TRPM5: variants seen among roughly 807,000 people sequenced by gnomAD.
TRPM5 encodes the protein transient receptor potential cation channel subfamily M member 5.
Under a neutral mutation model 124.9 loss-of-function variants are expected in TRPM5, and 121 were observed. That is an observed-to-expected ratio of 0.97 (90% confidence interval 0.84 to 1.13). The LOEUF (loss-of-function observed/expected upper bound fraction) is 1.13. Ranked by LOEUF, TRPM5 falls within the 50% of genes most tolerant of loss-of-function variation. The pLI is 0.00. For synonymous variants in TRPM5, 781 were observed against 700.5 expected (o/e 1.11, Z -1.81); for missense variants, 1,643 against 1,589.1 (o/e 1.03, Z -0.58).
chr11:2,412,350 C>CAGCGTG, intron 15 of TRPM5, 97 bp from the exon 21 acceptor site: 45 of 935,834 alleles, frequency 4.8e-5, no homozygotes, highest in Non-Finnish European at 7.1e-5. Context: ...GATCAGGGTT[C>CAGCGTG]CATCTATGAC....
intron 4 of TRPM5, among the ~76,000 whole-genome samples, chr11:2,419,791 G>A (rs1272027782): frequency 6.6e-6 from 1 of 152,202 alleles, no homozygotes; most frequent in Non-Finnish European, 1.5e-5. Context: ...TTGAACGTGC[G>A]ACTGGCCAGA....
chr11:2,443,543 TAC>T, the TRPM5 span, among the ~76,000 whole-genome samples: 1 of 152,138 alleles, frequency 6.6e-6, no homozygotes, highest in African/African-American at 2.4e-5. This position sits in a 1 kb window ranked among gnomAD's most constrained non-coding sequence, Gnocchi z 5.0. Context: ...TTGCTGCAAA[TAC>T]AGACTGTGCA....
At chr11:2,405,941 A>G (rs1290988695) in intron 22 of TRPM5, 78 bp downstream of exon 27, 1 of 1,292,448 alleles carries the variant, frequency 7.7e-7, no homozygotes, top group East Asian at 2.3e-5. Context: ...GTGACCGGGC[A>G]GGGCTGTGGA....
chr11:2,438,328 A>G, the TRPM5 span, among the ~76,000 whole-genome samples: 2 of 152,222 alleles, frequency 1.3e-5, no homozygotes, highest in Non-Finnish European at 2.9e-5. This position sits in a 1 kb window ranked among gnomAD's most constrained non-coding sequence, Gnocchi z 5.9. Context: ...CTAGGAATAC[A>G]TCTAACCCAG....
chr11:2,424,403 A>G (rs80322175), upstream of TRPM5, among the ~76,000 whole-genome samples: 24 of 152,346 alleles, frequency 1.6e-4, no homozygotes, highest in East Asian at 3.7e-3. Flanking sequence ...CTGCATCCCC[A>G]AACAGGTATG....
the TRPM5 span, among the ~76,000 whole-genome samples, chr11:2,429,335 G>A: frequency 6.6e-6 from 1 of 151,054 alleles, no homozygotes; most frequent in Non-Finnish European, 1.5e-5. This position sits in a 1 kb window ranked among gnomAD's most constrained non-coding sequence, Gnocchi z 8.4. Flanking sequence ...GATGATGAGG[G>A]TGATGATGAC....
chr11:2,417,714 TG>T lies in TRPM5; in HGVS notation c.1009+12del. The T allele has an allele frequency of 1.8e-5, 7 of 383,592 alleles. No individual in the cohort carries two copies. Among genetic ancestry groups the T allele is most frequent in the South Asian group, 7.2e-5 (3 of 41,888 alleles). The allele number at this position is 383,592 out of a possible 1,614,324, so 23.8% of individuals were successfully genotyped here. On this transcript the variant is annotated intron_variant, in intron 7 of 23. Coordinates refer to ENST00000155858, the Ensembl canonical transcript of TRPM5. The stretch of plus-strand genomic sequence containing the variant: ...CCAATGGCGCCTGCCTTGCCCACCC[TG>T]CCCGCCCTCACCTTTCACCAGCGCC...
At chr11:2,444,187 G>A in the TRPM5 span, among the ~76,000 whole-genome samples, 1 of 149,378 alleles carries the variant, frequency 6.7e-6, no homozygotes, top group African/African-American at 2.5e-5. Context: ...TCACCCTCCC[G>A]GTCCAAGGGC....
At chr11:2,434,253 CTG>C in the TRPM5 span, among the ~76,000 whole-genome samples, 229 of 148,768 alleles carry the variant, frequency 1.5e-3, no homozygotes, top group African/African-American at 5.4e-3. Context: ...TGCGTGGACA[CTG>C]TGTGTGCGTC....
At chr11:2,427,851 C>T (rs1845850689), upstream of TRPM5, among the ~76,000 whole-genome samples, 1 of 152,134 alleles carries the variant, frequency 6.6e-6, no homozygotes, top group African/African-American at 2.4e-5. Flanking sequence ...GGGTGCTGGG[C>T]CCAGCTGTCC....
chr11:2,415,897 G>T lies in TRPM5; in HGVS notation c.1128+9C>A. 1 of 1,556,610 alleles carries T rather than the reference G, an allele frequency of 6.4e-7. No homozygotes were observed. Among genetic ancestry groups the T allele is most frequent in the Non-Finnish European group, 8.7e-7 (1 of 1,145,544 alleles). The stretch of plus-strand genomic sequence containing the variant: ...GATGGGGAGGTGGGTAGGCAGGGCT[G>T]GGAGGCACCTTCCACTCCACGTCCC... On this transcript the variant is annotated intron_variant, in intron 8 of 23. Transcript: ENST00000155858.
At chr11:2,440,914 C>A in the TRPM5 span, among the ~76,000 whole-genome samples, 1 of 152,252 alleles carries the variant, frequency 6.6e-6, no homozygotes, top group Non-Finnish European at 1.5e-5. This position sits in a 1 kb window ranked among gnomAD's most constrained non-coding sequence, Gnocchi z 5.2. Flanking sequence ...TCAGCTTCCC[C>A]ATTCCTCATG....
chr11:2,411,623 C>G lies in TRPM5; in HGVS notation c.2607+12G>C. The G allele has an allele frequency of 6.2e-7, 1 of 1,610,794 alleles. No homozygotes were observed. Among genetic ancestry groups the G allele is most frequent in the Non-Finnish European group, 8.5e-7 (1 of 1,179,352 alleles). ...CCCTCCAGGGCCAGGGCCAGGGCCC[C>G]CGGGGGCTCACCATGCGCTCTACCA... On this transcript the variant is annotated intron_variant, in intron 17 of 23. Transcript: ENST00000155858.
chr11:2,417,916 G>A (rs1195901886), intron 6 of TRPM5, 87 bp from the exon 12 acceptor site: 1 of 1,308,962 alleles, frequency 7.6e-7, no homozygotes, highest in Non-Finnish European at 1.1e-6. Flanking sequence ...CGTAGGCACA[G>A]GCAGCGTCCC....
chr11:2,422,824 G>A, intron 1 of TRPM5, 96 bp downstream of exon 6: 4 of 1,068,008 alleles, frequency 3.7e-6, no homozygotes, highest in Admixed American at 1.7e-5. Flanking sequence ...CCAGGGGTGA[G>A]GAGGACCCTG....
chr11:2,435,818 T>C, the TRPM5 span, among the ~76,000 whole-genome samples: 1 of 152,170 alleles, frequency 6.6e-6, no homozygotes, highest in Non-Finnish European at 1.5e-5. This position sits in a 1 kb window ranked among gnomAD's most constrained non-coding sequence, Gnocchi z 4.1. Context: ...TTCACCCACC[T>C]GTTTTCTCCT....
At chr11:2,413,423 C>G in intron 13 of TRPM5, 53 bp downstream of exon 18, 1 of 1,514,118 alleles carries the variant, frequency 6.6e-7, no homozygotes, top group Non-Finnish European at 9.0e-7. Context: ...CCCGTAGCTC[C>G]GGCACTCGCA....
rs781447850 is a variant in TRPM5 at position 2,420,424 on chromosome 11, A to G, written c.466-19T>C. 162 of 1,590,052 alleles carry G rather than the reference A, an allele frequency of 1.0e-4. 1 individual carries two copies. Among genetic ancestry groups the G allele is most frequent in the Non-Finnish European group, 1.3e-4 (156 of 1,165,152 alleles). On this transcript the variant is annotated intron_variant, in intron 3 of 23. Transcript: ENST00000155858. Reference sequence around the variant, plus strand: ...AATCCTCCTGCGCCCATGCAGGGAGACGAGGCTGAGCCCTCGAGAGGCAGC... The same window carrying G: ...AATCCTCCTGCGCCCATGCAGGGAGGCGAGGCTGAGCCCTCGAGAGGCAGC...
the TRPM5 span, among the ~76,000 whole-genome samples, chr11:2,429,148 G>A: frequency 6.6e-6 from 1 of 151,338 alleles, no homozygotes; most frequent in Non-Finnish European, 1.5e-5. The surrounding 1 kb of genome is among the most constrained non-coding windows in gnomAD (Gnocchi z 8.4). Flanking sequence ...TGGTGGTGAT[G>A]GTGATGATTG....
Sources: allele counts gnomAD v4.1 joint callset (sites outside exome capture counted in the v4.1 genomes callset), GRCh38; gene constraint gnomAD v4.1.1; non-coding constraint Gnocchi (gnomAD v3.1); transcripts MANE v1.5; gene names NCBI Gene and HGNC (gene_info 2026-07-23, HGNC 2026-07-21).